NF1: variants seen among roughly 807,000 people sequenced by gnomAD.
NF1 encodes the protein neurofibromin.
In NF1, 122 loss-of-function variants were observed where a neutral mutation model predicts 325.7. The observed-to-expected ratio is 0.37, with a 90% CI of 0.32 to 0.44. The LOEUF (loss-of-function observed/expected upper bound fraction) is 0.44. Ranked by LOEUF, NF1 falls within the 20% of genes least tolerant of loss-of-function variation. The probability of loss-of-function intolerance (pLI) is 1.00; values close to 1 mark genes in which losing one functional copy is unlikely to be tolerated. For missense variants in NF1, 2,140 were observed against 3,415.4 expected, an observed-to-expected ratio of 0.63 and a Z score of 9.31; for synonymous variants, 1,091 against 1,186.0, an observed-to-expected ratio of 0.92 and a Z score of 1.65.
chr17:31,305,892 C>A (rs950975367), intron 36 of NF1, among the ~76,000 whole-genome samples: 15 of 152,166 alleles, frequency 9.9e-5, no homozygotes, highest in Non-Finnish European at 4.4e-5. Context: ...AATACAAGTT[C>A]TGTACTTGGC....
At chr17:31,209,491 C>T (rs2143933033) in intron 12 of NF1, among the ~76,000 whole-genome samples, 2 of 152,364 alleles carry the variant, frequency 1.3e-5, no homozygotes, top group South Asian at 4.1e-4. Flanking sequence ...CACTGATCCT[C>T]TTTCTGTTGG....
Position 31,357,118 on chromosome 17 carries a change from C to T in NF1, c.7869+28C>T, listed in dbSNP as rs1046602089. 7 of 1,612,256 alleles carry T rather than the reference C, an allele frequency of 4.3e-6. No homozygotes were observed. In the African/African-American group the frequency reaches 5.3e-5, roughly 12 times the overall value. On this transcript the variant is annotated intron_variant, in intron 53 of 57. Coordinates refer to ENST00000358273, the MANE Select transcript of NF1 (RefSeq NM_001042492.3). ...AAGGATTTCCCCTTTTTGAGTCCCC[C>T]ACCCTCAAATTTTTATTCCAGTCTA...
At chr17:31,264,058 A>T (rs2067741878) in intron 35 of NF1, among the ~76,000 whole-genome samples, 1 of 152,142 alleles carries the variant, frequency 6.6e-6, no homozygotes, top group African/African-American at 2.4e-5. Context: ...TCTTCCCAAG[A>T]CATAAGGCTC....
At position 31,226,531 on chromosome 17, in the gene NF1, A is replaced by T; in HGVS notation, c.2098A>T (p.Thr700Ser). ...GTACATGTTTCTGTGGAACCCTGAC[A>T]CTGAAGCTGTTCTGGTTGCCATGTC... Reference protein sequence around the residue: ...ALYMFLWNPDTEAVLVAMSCF... With the variant: ...ALYMFLWNPDSEAVLVAMSCF... Residue 700 changes from threonine (T) to serine (S), a missense_variant, in exon 18 of 58, where the codon ACT (threonine) becomes TCT (serine). Transcript: ENST00000358273. 1 of 1,613,894 alleles carries T rather than the reference A, an allele frequency of 6.2e-7. No individual in the cohort carries two copies. Among genetic ancestry groups the T allele is most frequent in the Non-Finnish European group, 8.5e-7 (1 of 1,179,818 alleles).
intron 40 of NF1, among the ~76,000 whole-genome samples, chr17:31,335,292 A>ATATG (rs2069629769): frequency 7.8e-6 from 1 of 128,366 alleles, no homozygotes; most frequent in African/African-American, 3.2e-5. Context: ...ATATATATAT[A>ATATG]TATAATTATG....
At chr17:31,318,248 C>A in intron 36 of NF1, 1 of 1,536,942 alleles carries the variant, frequency 6.5e-7, no homozygotes, top group Non-Finnish European at 8.7e-7. Flanking sequence ...TAAATACCAA[C>A]TGACTTCATT....
intron 36 of NF1, chr17:31,295,133 A>C (rs752315419): frequency 6.2e-7 from 1 of 1,614,128 alleles, no homozygotes. Flanking sequence ...CCATAAGTTA[A>C]GGGTTGTGCT....
chr17:31,179,932 C>T (rs2066096153), intron 5 of NF1, among the ~76,000 whole-genome samples: 1 of 152,100 alleles, frequency 6.6e-6, no homozygotes, highest in African/African-American at 2.4e-5. Context: ...CCACCGATCC[C>T]ACAGAAATAC....
intron 54 of NF1, 196 bp downstream of exon 54, chr17:31,357,565 A>G (rs564119041): frequency 3.3e-6 from 2 of 602,058 alleles, no homozygotes; most frequent in Admixed American, 5.9e-5. Context: ...ATAAGGAAAG[A>G]CTTTTAAAAA....
In NF1 at chr17:31,304,396, A is replaced by G. The variant is rs144527999; in HGVS notation, c.4836-21424A>G. The G allele has an allele frequency of 1.7e-5, 28 of 1,614,050 alleles. 1 individual carries two copies. Among genetic ancestry groups the G allele is most frequent in the Non-Finnish European group, 2.2e-5 (26 of 1,180,016 alleles). On this transcript the variant is annotated intron_variant, in intron 36 of 57. Transcript: ENST00000358273. ...GTTTTTCATAAAATCTACTGGTGGC[A>G]GGGGCAAGTTAAGTGAGTCAAGCGG...
Position 31,243,191 on chromosome 17 carries a change from T to TGTGTGTGTGTGTGTGTGTGTGTGTGTGG in NF1, c.3975-5771_3975-5770insGTGTGGGTGTGTGTGTGTGTGTGTGTGT, listed in dbSNP as rs1345374750. Among the ~76,000 whole-genome samples, 38 of 151,262 alleles carry TGTGTGTGTGTGTGTGTGTGTGTGTGTGG rather than the reference T, an allele frequency of 2.5e-4. 1 individual carries two copies. Among genetic ancestry groups the TGTGTGTGTGTGTGTGTGTGTGTGTGTGG allele is most frequent in the African/African-American group, 9.2e-4 (38 of 41,082 alleles). On this transcript the variant is annotated intron_variant, in intron 29 of 57. Coordinates refer to ENST00000358273, the MANE Select transcript of NF1 (RefSeq NM_001042492.3). ...GTCAGTCTCTCTCTCTGTCTGTGTG[T>TGTGTGTGTGTGTGTGTGTGTGTGTGTGG]GTGTGTGTGTGTGTGTGTGTGTTGA...
chr17:31,157,269 G>C (rs1035668667), intron 2 of NF1, among the ~76,000 whole-genome samples: 1 of 152,140 alleles, frequency 6.6e-6, no homozygotes, highest in Non-Finnish European at 1.5e-5. Flanking sequence ...GATTACAGGT[G>C]TGAGCCACCG....
At chr17:31,214,855 C>G (rs556758361) in intron 13 of NF1, among the ~76,000 whole-genome samples, 1 of 152,184 alleles carries the variant, frequency 6.6e-6, no homozygotes, top group African/African-American at 2.4e-5. Flanking sequence ...TTGATGAGAT[C>G]TCTGTTCTCA....
Position 31,374,545 on chromosome 17 carries a change from T to A in NF1, c.*390T>A, listed in dbSNP as rs1025550598. On this transcript the variant is annotated 3_prime_UTR_variant, in exon 58 of 58. Transcript: ENST00000358273. ...TCTGCCTTCTGTGGTTTTCCCTTCT[T>A]CATCCTACAGAGTAAAGTGTTAGTC... 1.5e-5 allele frequency: 6 copies of A among 394,946 alleles called. No homozygotes were observed. The highest frequency in any genetic ancestry group is 2.8e-5 in the Non-Finnish European group (6 of 212,350). 24.5% of individuals were successfully genotyped at this position (394,946 alleles called of 1,614,324 possible).
intron 57 of NF1, among the ~76,000 whole-genome samples, chr17:31,364,342 T>G (rs1442378570): frequency 1.3e-5 from 2 of 152,318 alleles, no homozygotes; most frequent in East Asian, 3.9e-4. Context: ...AAAGCAAATG[T>G]TGCTGATCTG....
chr17:31,114,157 C>A (rs1913682964), intron 1 of NF1, among the ~76,000 whole-genome samples: 1 of 152,168 alleles, frequency 6.6e-6, no homozygotes, highest in African/African-American at 2.4e-5. Flanking sequence ...CTGCTGTAGA[C>A]CTTGCTTCTG....
chr17:31,279,317 A>C (rs1291331723), intron 36 of NF1, among the ~76,000 whole-genome samples: 1 of 152,238 alleles, frequency 6.6e-6, no homozygotes, highest in Non-Finnish European at 1.5e-5. Flanking sequence ...TCAGGCCTAC[A>C]GCCATACCAC....
chr17:31,372,707 G>A (rs2070667278), intron 57 of NF1, among the ~76,000 whole-genome samples: 1 of 152,096 alleles, frequency 6.6e-6, no homozygotes, highest in African/African-American at 2.4e-5. Context: ...TGAAGTTACT[G>A]CTTAGATTAT....
intron 40 of NF1, 151 bp downstream of exon 40, chr17:31,335,182 G>A: frequency 4.7e-6 from 3 of 641,838 alleles, no homozygotes; most frequent in Non-Finnish European, 7.9e-6. Context: ...CACTCACCCA[G>A]CTCTTCATCT....
Sources: gnomAD v4.1 joint callset for allele counts (sites outside exome capture counted in the v4.1 genomes callset) on GRCh38, gnomAD v4.1.1 for gene constraint, MANE v1.5 for transcripts, NCBI Gene and HGNC (gene_info 2026-07-23, HGNC 2026-07-21) for gene names.